The following RHOC variants were observed in gnomAD, a reference collection of about 807,000 sequenced individuals.
The protein encoded by RHOC is ras homolog family member C, also known as rho-related GTP-binding protein RhoC.
Under a neutral mutation model 19.5 loss-of-function variants are expected in RHOC, and 13 were observed. The observed-to-expected ratio is 0.67, with a 90% CI of 0.43 to 1.06. The LOEUF is 1.06. RHOC is among the 50% of genes least tolerant of loss of function. The probability of loss-of-function intolerance (pLI) is 0.00; values close to 1 mark genes in which losing one functional copy is unlikely to be tolerated. For synonymous variants in RHOC, 106 were observed against 97.3 expected, an observed-to-expected ratio of 1.09 and a Z score of -0.52; for missense variants, 173 against 256.9, an observed-to-expected ratio of 0.67 and a Z score of 2.23.
rs1204512594 is a variant in RHOC at position 112,701,573 on chromosome 1, C to T, written c.549G>A (p.Lys183=). 6.2e-7 allele frequency: 1 copy of T among 1,614,018 alleles called. No homozygotes were observed. Among genetic ancestry groups the T allele is most frequent in the East Asian group, 2.2e-5 (1 of 44,894 alleles). The change falls in exon 6 of 6, where the codon AAG becomes AAA. Residue 183 remains lysine (K), a synonymous_variant. Transcript: ENST00000339083. ...MATRAGLQVR[K]NKRRRGCPIL ...TGGGACAGCCCCTCCGACGCTTGTT[C>T]TTGCGGACCTGGAGGCCAGCCCGAG...
At chr1:112,702,425 T>G in intron 5 of RHOC, 138 bp downstream of exon 5, 1 of 890,714 alleles carries the variant, frequency 1.1e-6, no homozygotes, top group Non-Finnish European at 1.7e-6. Context: ...CACAACCCTA[T>G]GGGTCCTCCC....
intron 3 of RHOC, chr1:112,703,372 G>A (rs1398801153): frequency 7.0e-6 from 5 of 715,138 alleles, no homozygotes; most frequent in African/African-American, 5.2e-5. Flanking sequence ...AACCCTTTGA[G>A]GGAGGTCTTA....
At position 112,702,463 on chromosome 1, in the gene RHOC, AACAC is replaced by A. The variant is rs1284780079; in HGVS notation, c.408+96_408+99del. On this transcript the variant is annotated intron_variant, in intron 5 of 5. Transcript: ENST00000339083. ...ACCAGGAGATATTACTGTTTCCCCT[AACAC>A]ACGGCAGTAGCTGGAGAGAAGTTCC... The A allele has an allele frequency of 2.3e-6, 3 of 1,312,042 alleles. No homozygotes were observed. The East Asian group carries it at 7.0e-5, about 31-fold the overall frequency. 81.3% of individuals were successfully genotyped at this position (1,312,042 alleles called of 1,614,324 possible).
chr1:112,703,899 A>T (rs957667378), intron 2 of RHOC, 93 bp from the exon 3 acceptor site: 2 of 1,232,596 alleles, frequency 1.6e-6, no homozygotes, highest in Admixed American at 2.3e-5. Flanking sequence ...AAACCGAGGC[A>T]TCTAGCAAAG....
At chr1:112,706,463 A>T (rs868727432) in intron 1 of RHOC, among the ~76,000 whole-genome samples, 50 of 8,214 alleles carry the variant, frequency 6.1e-3, no homozygotes, top group South Asian at 0.01. Flanking sequence ...ACACACACAC[A>T]CCACACACAC....
rs775793549 is a variant in RHOC at position 112,702,545 on chromosome 1, C to T, written c.408+18G>A. Reference sequence around the variant, plus strand: ...GTGCATTCTTCCCCAGGGGCTCCAGCCTGGCAGCCGTACCCACCTGCTTCA... The same window carrying T: ...GTGCATTCTTCCCCAGGGGCTCCAGTCTGGCAGCCGTACCCACCTGCTTCA... On this transcript the variant is annotated intron_variant, in intron 5 of 5. Coordinates refer to ENST00000339083, the MANE Select transcript of RHOC (RefSeq NM_175744.5). 6.2e-7 allele frequency: 1 copy of T among 1,612,408 alleles called. No individual in the cohort carries two copies. The highest frequency in any genetic ancestry group is 8.5e-7 in the Non-Finnish European group (1 of 1,178,798).
At chr1:112,703,305 G>T in intron 3 of RHOC, 186 bp from the exon 4 acceptor site, 1 of 752,726 alleles carries the variant, frequency 1.3e-6, no homozygotes, top group Non-Finnish European at 2.2e-6. Flanking sequence ...AATCTAAGAC[G>T]TGTTTGACCC....
At chr1:112,702,912 C>G (rs1232442815) in intron 4 of RHOC, 87 bp downstream of exon 4, 1 of 1,468,628 alleles carries the variant, frequency 6.8e-7, no homozygotes, top group Non-Finnish European at 9.5e-7. Context: ...CCACCCCCAC[C>G]TCTGAAGATG....
chr1:112,704,958 C>G (rs1389268910), intron 2 of RHOC, 142 bp downstream of exon 2: 16 of 640,486 alleles, frequency 2.5e-5, no homozygotes. Context: ...CTGCCCACCC[C>G]TCCCTGTGAC....
intron 2 of RHOC, 59 bp from the exon 3 acceptor site, chr1:112,703,865 T>C: frequency 6.6e-7 from 1 of 1,520,304 alleles, no homozygotes; most frequent in Non-Finnish European, 8.9e-7. Context: ...AAAACACTTC[T>C]CTAGGGCCCC....
intron 2 of RHOC, 146 bp downstream of exon 2, chr1:112,704,954 A>C (rs1570833453): frequency 9.5e-6 from 6 of 629,852 alleles, no homozygotes; most frequent in Non-Finnish European, 8.7e-6. Flanking sequence ...TGCCCTGCCC[A>C]CCCCTCCCTG....
rs558533932 is a variant in RHOC, at chr1:112,701,517, A to G, written c.*23T>C. 3.7e-6 allele frequency: 6 copies of G among 1,613,974 alleles called. No individual in the cohort carries two copies. In the African/African-American group the frequency reaches 8.0e-5, roughly 22 times the overall value. ...CTGTACCCCTGTGAAGGGAGGGGGC[A>G]TGTAGGAAAGGCCTTGGGGATCTCA... On this transcript the variant is annotated 3_prime_UTR_variant, in exon 6 of 6. Transcript: ENST00000339083.
rs758818970 is a variant in RHOC, at chr1:112,701,645, G to A, written c.477C>T (p.Cys159=). The A allele has an allele frequency of 2.5e-6, 4 of 1,613,968 alleles. No homozygotes were observed. In the African/African-American group the frequency reaches 5.3e-5, roughly 22 times the overall value. Residue 159 remains cysteine (C), a synonymous_variant, in exon 6 of 6, where the codon TGC becomes TGT. Coordinates refer to ENST00000339083, the MANE Select transcript of RHOC (RefSeq NM_175744.5). ...NRISAFGYLE[C]SAKTKEGVRE... The stretch of plus-strand genomic sequence containing the variant: ...GCACTCCCTCCTTGGTCTTGGCTGA[G>A]CACTCAAGGTAGCCAAAGGCACTGA...
intron 4 of RHOC, 131 bp downstream of exon 4, chr1:112,702,868 G>A: frequency 7.2e-7 from 1 of 1,384,862 alleles, no homozygotes; most frequent in South Asian, 1.3e-5. Context: ...CACAGTAAAG[G>A]AGACCAACAG....
At chr1:112,702,885 A>C in intron 4 of RHOC, 114 bp downstream of exon 4, 1 of 1,426,876 alleles carries the variant, frequency 7.0e-7, no homozygotes, top group Non-Finnish European at 9.8e-7. Context: ...ACAGGGCCTG[A>C]GTGCTCCCCT....
intron 1 of RHOC, chr1:112,705,870 C>CGGCACCAGAGTGGTGGGA: frequency 2.8e-6 from 1 of 351,506 alleles, no homozygotes; most frequent in Non-Finnish European, 5.7e-6. Flanking sequence ...GTAATTCAGA[C>CGGCACCAGAGTGGTGGGA]GGCACCAGAG....
chr1:112,705,068 C>T, intron 2 of RHOC, 32 bp downstream of exon 2: 1 of 702,636 alleles, frequency 1.4e-6, no homozygotes, highest in Non-Finnish European at 2.6e-6. Flanking sequence ...CAGCTTCCCT[C>T]ACTTCCTCCT....
chr1:112,705,694 TCTTCCAA>T (rs1674814299), intron 1 of RHOC: 1 of 456,102 alleles, frequency 2.2e-6, no homozygotes, highest in Admixed American at 2.4e-5. Context: ...CGCTGGGATT[TCTTCCAA>T]CTCCTCCACC....
chr1:112,707,183 G>A (rs1389561963), upstream of RHOC: 8 of 150,508 alleles, frequency 5.3e-5, no homozygotes, highest in Admixed American at 2.0e-4. Flanking sequence ...GGGCGGGCCC[G>A]GCAGGGGGAG....
Sources: allele counts gnomAD v4.1 joint callset (sites outside exome capture counted in the v4.1 genomes callset), GRCh38; gene constraint gnomAD v4.1.1; transcripts MANE v1.5; gene names NCBI Gene and HGNC (gene_info 2026-07-23, HGNC 2026-07-21).